GALNT13: variants seen among roughly 807,000 people sequenced by gnomAD.
GALNT13 encodes the protein UDP-GalNAc:polypeptide N-acetylgalactosaminyltransferase 13.
Under a neutral mutation model 64.2 loss-of-function variants are expected in GALNT13, and 28 were observed. That is an observed-to-expected ratio of 0.44 (90% CI 0.32 to 0.60). The LOEUF (loss-of-function observed/expected upper bound fraction) is 0.60. Ranked by LOEUF, GALNT13 falls within the 20% of genes least tolerant of loss-of-function variation. The pLI, the probability that GALNT13 is intolerant of heterozygous loss-of-function variation, is 0.05. For synonymous variants in GALNT13, 214 were observed against 224.6 expected (o/e 0.95, Z 0.42); for missense variants, 577 against 669.8 (o/e 0.86, Z 1.53).
chr2:153,225,718 AATT>A, the GALNT13 span, among the ~76,000 whole-genome samples: 1 of 152,196 alleles, frequency 6.6e-6, no homozygotes, highest in Non-Finnish European at 1.5e-5. Context: ...AAAATAAAAA[AATT>A]AATAGTAGCA....
At chr2:154,247,483 C>T (rs1158542272) in intron 7 of GALNT13, among the ~76,000 whole-genome samples, 1 of 151,852 alleles carries the variant, frequency 6.6e-6, no homozygotes, top group East Asian at 1.9e-4. Flanking sequence ...TATAAGAAGG[C>T]ATGTTTATAC....
At chr2:154,138,593 A>G (rs1222128289) in intron 3 of GALNT13, among the ~76,000 whole-genome samples, 1 of 151,484 alleles carries the variant, frequency 6.6e-6, no homozygotes, top group Non-Finnish European at 1.5e-5. Context: ...AAAAAAACCT[A>G]AACTGAATAT....
intron 3 of GALNT13, among the ~76,000 whole-genome samples, chr2:154,128,418 G>A (rs1354339779): frequency 6.6e-6 from 1 of 152,044 alleles, no homozygotes; most frequent in East Asian, 1.9e-4. Flanking sequence ...TATTAAAGTA[G>A]GTTTTCCTTC....
chr2:153,593,057 T>C, the GALNT13 span: 5 of 152,272 alleles, frequency 3.3e-5, no homozygotes, highest in African/African-American at 1.2e-4. Context: ...TTGTAACAAT[T>C]TGAACTGGGT....
intron 9 of GALNT13, among the ~76,000 whole-genome samples, chr2:154,379,489 T>C (rs1414166586): frequency 1.3e-5 from 2 of 152,054 alleles, no homozygotes; most frequent in African/African-American, 4.8e-5. Context: ...CTATTAACAT[T>C]GTCTAATAGT....
the GALNT13 span, among the ~76,000 whole-genome samples, chr2:153,725,157 G>A: frequency 6.9e-6 from 1 of 145,444 alleles, no homozygotes. Flanking sequence ...TCCTTTGTAG[G>A]GACATGGATG....
the GALNT13 span, among the ~76,000 whole-genome samples, chr2:153,360,496 A>G: frequency 4.6e-5 from 7 of 152,162 alleles, no homozygotes; most frequent in African/African-American, 1.4e-4. Context: ...GGCAGCAGCC[A>G]TCTCTATAGC....
chr2:153,467,412 C>T, the GALNT13 span, among the ~76,000 whole-genome samples: 1 of 151,988 alleles, frequency 6.6e-6, no homozygotes, highest in Non-Finnish European at 1.5e-5. Flanking sequence ...TGACAAAGCA[C>T]CATGTGTGTG....
chr2:153,759,296 C>T, the GALNT13 span, among the ~76,000 whole-genome samples: 2 of 152,112 alleles, frequency 1.3e-5, no homozygotes, highest in Admixed American at 6.6e-5. Flanking sequence ...ATTTGTTTCT[C>T]TTACCTAATT....
chr2:153,662,910 C>A, the GALNT13 span, among the ~76,000 whole-genome samples: 1 of 152,184 alleles, frequency 6.6e-6, no homozygotes, highest in Non-Finnish European at 1.5e-5. Context: ...AAACCTCAAT[C>A]TATTCCTCAG....
the GALNT13 span, among the ~76,000 whole-genome samples, chr2:153,154,262 G>A: frequency 6.6e-6 from 1 of 152,082 alleles, no homozygotes. Context: ...ATATCTGATG[G>A]TTTTATAAAG....
chr2:153,084,999 A>T, the GALNT13 span, among the ~76,000 whole-genome samples: 1 of 152,220 alleles, frequency 6.6e-6, no homozygotes. Context: ...CAAAATGATG[A>T]TAGTGACATG....
chr2:154,120,031 T>C (rs1013206467), intron 3 of GALNT13, among the ~76,000 whole-genome samples: 10 of 152,206 alleles, frequency 6.6e-5, no homozygotes, highest in Non-Finnish European at 1.3e-4. Flanking sequence ...TGTCTGTACA[T>C]TTGTGGAGAC....
the GALNT13 span, among the ~76,000 whole-genome samples, chr2:153,792,452 A>G: frequency 2.6e-5 from 4 of 152,196 alleles, no homozygotes; most frequent in South Asian, 4.1e-4. Flanking sequence ...AAGGAACTTG[A>G]GCATTTATAG....
the GALNT13 span, among the ~76,000 whole-genome samples, chr2:153,125,675 G>A: frequency 0.046 from 7,035 of 152,258 alleles, 267 homozygotes; most frequent in East Asian, 0.18. Context: ...AAGCATTAAT[G>A]TAATTATGTG....
intron 10 of GALNT13, among the ~76,000 whole-genome samples, chr2:154,408,095 C>G (rs1029547887): frequency 6.6e-6 from 1 of 152,016 alleles, no homozygotes; most frequent in African/African-American, 2.4e-5. Flanking sequence ...GCAGAGTGGA[C>G]AAGCATAAAT....
At chr2:153,398,010 G>A in the GALNT13 span, among the ~76,000 whole-genome samples, 1 of 151,878 alleles carries the variant, frequency 6.6e-6, no homozygotes, top group African/African-American at 2.4e-5. Flanking sequence ...CCATGCTGGT[G>A]TGCTGCACCC....
chr2:154,054,670 T>C (rs998355985), intron 3 of GALNT13, among the ~76,000 whole-genome samples: 2 of 152,166 alleles, frequency 1.3e-5, no homozygotes, highest in East Asian at 3.9e-4. Context: ...ATGACTCCTA[T>C]GCAGACAGGA....
chr2:153,689,070 A>ATGTGTGTGTGTG, the GALNT13 span, among the ~76,000 whole-genome samples: 1,198 of 127,784 alleles, frequency 9.4e-3, 13 homozygotes, highest in African/African-American at 0.016. Flanking sequence ...CCGCGTGTGT[A>ATGTGTGTGTGTG]TGTGTGTGTG....
Sources: gnomAD v4.1 joint callset for allele counts (sites outside exome capture counted in the v4.1 genomes callset) on GRCh38, gnomAD v4.1.1 for gene constraint, MANE v1.5 for transcripts, NCBI Gene and HGNC (gene_info 2026-07-23, HGNC 2026-07-21) for gene names.